C12orf42: variants seen among roughly 807,000 people sequenced by gnomAD.
C12orf42 encodes the protein uncharacterized protein C12orf42.
C12orf42 carries 25 observed loss-of-function variants against 21.6 expected under a neutral mutation model. The observed-to-expected ratio is 1.16, with a 90% CI of 0.84 to 1.62. C12orf42 has a LOEUF of 1.62. Ranked by LOEUF, C12orf42 falls within the 40% of genes most tolerant of loss-of-function variation. The probability of loss-of-function intolerance (pLI) is 0.00; values close to 1 mark genes in which losing one functional copy is unlikely to be tolerated. For synonymous variants in C12orf42, 174 were observed against 175.0 expected (o/e 0.99, Z 0.05); for missense variants, 483 against 459.3 (o/e 1.05, Z -0.47).
At chr12:103,193,445 C>A in the C12orf42 span, among the ~76,000 whole-genome samples, 7 of 151,264 alleles carry the variant, frequency 4.6e-5, no homozygotes, top group Non-Finnish European at 7.4e-5. Context: ...AAACTGAGTT[C>A]TTCCCTCAAA....
At chr12:103,416,186 T>G (rs1477446380) in intron 2 of C12orf42, among the ~76,000 whole-genome samples, 1 of 151,708 alleles carries the variant, frequency 6.6e-6, no homozygotes, top group Non-Finnish European at 1.5e-5. Context: ...GGTATGCACA[T>G]TTTCATAAAA....
intron 2 of C12orf42, among the ~76,000 whole-genome samples, chr12:103,432,245 G>A (rs10467023): frequency 0.83 from 125,881 of 152,110 alleles, 52,126 homozygotes; most frequent in Admixed American, 0.88. Flanking sequence ...CACTTACCCA[G>A]CTCCTGAGAT....
chr12:103,180,615 C>CTTTTTTTTTTTTTT, the C12orf42 span, among the ~76,000 whole-genome samples: 5 of 61,992 alleles, frequency 8.1e-5, no homozygotes, highest in African/African-American at 3.7e-4. Flanking sequence ...AAATAATTTC[C>CTTTTTTTTTTTTTT]TTTTTTTTTT....
At chr12:103,213,663 C>T in the C12orf42 span, among the ~76,000 whole-genome samples, 1 of 152,190 alleles carries the variant, frequency 6.6e-6, no homozygotes, top group Non-Finnish European at 1.5e-5. Flanking sequence ...GGAGATTCAA[C>T]ACACGGGTGC....
intron 2 of C12orf42, among the ~76,000 whole-genome samples, chr12:103,438,839 A>G (rs1365101526): frequency 1.3e-5 from 2 of 151,174 alleles, no homozygotes; most frequent in African/African-American, 2.4e-5. Context: ...CACCCAAGGT[A>G]ATTTACAGAT....
intron 3 of C12orf42, among the ~76,000 whole-genome samples, chr12:103,391,753 A>G (rs2047099043): frequency 6.6e-6 from 1 of 151,768 alleles, no homozygotes; most frequent in African/African-American, 2.4e-5. Flanking sequence ...TTGATTTACA[A>G]CTATTTTCTC....
chr12:103,152,208 C>T, the C12orf42 span, among the ~76,000 whole-genome samples: 1 of 152,158 alleles, frequency 6.6e-6, no homozygotes, highest in Non-Finnish European at 1.5e-5. Context: ...CAGGTTGACA[C>T]CTTAATTTTA....
chr12:103,316,106 A>AGT (rs1034425166), intron 4 of C12orf42, among the ~76,000 whole-genome samples: 11 of 150,184 alleles, frequency 7.3e-5, no homozygotes, highest in African/African-American at 2.7e-4. Context: ...ATACACACAC[A>AGT]GTATATATAT....
chr12:103,229,916 T>TCCGAGGAGTGAGAGTTTTGAGGCATAA, the C12orf42 span, among the ~76,000 whole-genome samples: 5 of 152,152 alleles, frequency 3.3e-5, no homozygotes, highest in Non-Finnish European at 7.4e-5. Context: ...AGCCACCACA[T>TCCGAGGAGTGAGAGTTTTGAGGCATAA]CCGAGGAGTG....
At chr12:103,216,527 C>T in the C12orf42 span, among the ~76,000 whole-genome samples, 1 of 152,068 alleles carries the variant, frequency 6.6e-6, no homozygotes, top group Non-Finnish European at 1.5e-5. Context: ...GCTCCTGCCA[C>T]CACGCCTGGC....
intron 2 of C12orf42, among the ~76,000 whole-genome samples, chr12:103,437,253 G>T (rs143855342): frequency 0.025 from 3,792 of 152,242 alleles, 55 homozygotes; most frequent in Non-Finnish European, 0.039. Flanking sequence ...TGCATTCAAA[G>T]CAGTGTGTAG....
intron 4 of C12orf42, chr12:103,367,905 C>T (rs1279829804): frequency 5.2e-6 from 2 of 387,066 alleles, no homozygotes; most frequent in Admixed American, 8.2e-5. Flanking sequence ...CTTTCAATGG[C>T]CCTGATATGA....
chr12:103,107,799 T>C, the C12orf42 span, among the ~76,000 whole-genome samples: 13 of 151,756 alleles, frequency 8.6e-5, no homozygotes, highest in African/African-American at 3.1e-4. Flanking sequence ...CAAAAGCTTT[T>C]CTATTGAAAA....
chr12:103,337,643 T>C (rs1393690557), intron 4 of C12orf42, among the ~76,000 whole-genome samples: 1 of 152,174 alleles, frequency 6.6e-6, no homozygotes, highest in Non-Finnish European at 1.5e-5. Context: ...TGAGCCACCA[T>C]GCCCGGCCAA....
chr12:103,080,346 C>CCAG, the C12orf42 span, among the ~76,000 whole-genome samples: 1 of 152,288 alleles, frequency 6.6e-6, no homozygotes, highest in South Asian at 2.1e-4. Flanking sequence ...AACTGGTTCT[C>CCAG]CAGCATTGCA....
Position 103,302,424 on chromosome 12 carries a change from G to A in C12orf42, c.767C>T (p.Ala256Val). 1 of 1,613,930 alleles carries A rather than the reference G, an allele frequency of 6.2e-7. No homozygotes were observed. Among genetic ancestry groups the A allele is most frequent in the Non-Finnish European group, 8.5e-7 (1 of 1,179,866 alleles). ...ERMAVPAGAQ[A>V]HPDDIQSRLL... ...TCTGCTTTGGATGTCGTCGGGGTGTGCCTGAGCGCCTGCTGGGACTGCCAT... is the reference window on the plus strand; with the variant it reads ...TCTGCTTTGGATGTCGTCGGGGTGTACCTGAGCGCCTGCTGGGACTGCCAT... The change falls in exon 6 of 6, where the codon GCA (alanine) becomes GTA (valine). Residue 256 changes from alanine to valine, a missense_variant. Physicochemically the swap from Ala to Val is moderately conservative, Grantham distance 64 (BLOSUM62 0). Coordinates refer to ENST00000548883, the MANE Select transcript of C12orf42 (RefSeq NM_198521.5).
intron 10 of C12orf42, among the ~76,000 whole-genome samples, chr12:103,253,184 T>C (rs1593215192): frequency 6.6e-6 from 1 of 152,316 alleles, no homozygotes; most frequent in East Asian, 1.9e-4. Context: ...TTGGTACCAA[T>C]ATCATGCTGT....
At chr12:103,381,976 A>G (rs78649413) in intron 3 of C12orf42, among the ~76,000 whole-genome samples, 11,002 of 152,154 alleles carry the variant, frequency 0.072, 662 homozygotes, top group African/African-American at 0.16. Context: ...TGTACAGTGA[A>G]GATAATAATA....
At chr12:103,257,870 C>T (rs1420325372) in intron 10 of C12orf42, among the ~76,000 whole-genome samples, 1 of 151,864 alleles carries the variant, frequency 6.6e-6, no homozygotes, top group Non-Finnish European at 1.5e-5. Context: ...ATACTGACTA[C>T]CTGAGACTAT....
Sources: allele counts gnomAD v4.1 joint callset (sites outside exome capture counted in the v4.1 genomes callset), GRCh38; gene constraint gnomAD v4.1.1; transcripts MANE v1.5; gene names NCBI Gene and HGNC (gene_info 2026-07-23, HGNC 2026-07-21).